SLC25A48: variants seen among roughly 807,000 people sequenced by gnomAD.
The protein encoded by SLC25A48 is CTC-321K16.1.
SLC25A48 carries 29 observed loss-of-function variants against 32.2 expected under a neutral mutation model. That is an observed-to-expected ratio of 0.90 (90% confidence interval 0.67 to 1.23). The LOEUF is 1.23. Ranked by LOEUF, SLC25A48 falls within the 50% of genes most tolerant of loss-of-function variation. The pLI is 0.00. For synonymous variants in SLC25A48, 164 were observed against 172.3 expected, an observed-to-expected ratio of 0.95 and a Z score of 0.38; for missense variants, 399 against 422.7, an observed-to-expected ratio of 0.94 and a Z score of 0.49.
chr5:135,739,611 A>G (rs1755454507), intron 3 of SLC25A48, among the ~76,000 whole-genome samples: 1 of 152,238 alleles, frequency 6.6e-6, no homozygotes, highest in Admixed American at 6.5e-5. Context: ...GAAAAGGGTC[A>G]GGGTGTGTCC....
At chr5:135,616,059 G>T (rs4593260) in intron 1 of SLC25A48, among the ~76,000 whole-genome samples, 1,955 of 152,348 alleles carry the variant, frequency 0.013, 44 homozygotes, top group African/African-American at 0.045. Context: ...AGACTTGGGA[G>T]CCTCTGCCTA....
intron 3 of SLC25A48, among the ~76,000 whole-genome samples, chr5:135,708,095 C>T (rs768629568): frequency 6.6e-6 from 1 of 152,182 alleles, no homozygotes; most frequent in Non-Finnish European, 1.5e-5. Context: ...CATGCACCCG[C>T]CAGCCTTCCA....
chr5:135,591,369 A>C (rs1751523260), intron 1 of SLC25A48, among the ~76,000 whole-genome samples: 1 of 152,222 alleles, frequency 6.6e-6, no homozygotes, highest in African/African-American at 2.4e-5. Flanking sequence ...TGCCTGGTGC[A>C]TCACTTGGAT....
chr5:135,872,609 T>C (rs560437200), intron 5 of SLC25A48: 16 of 152,320 alleles, frequency 1.1e-4, no homozygotes, highest in African/African-American at 3.9e-4. Context: ...TATACACAAC[T>C]CTTCTGAGGG....
At chr5:135,805,082 C>A (rs1467238332) in intron 3 of SLC25A48, among the ~76,000 whole-genome samples, 1 of 150,926 alleles carries the variant, frequency 6.6e-6, no homozygotes, top group Non-Finnish European at 1.5e-5. Context: ...TGGTGTACAG[C>A]CTGTGAAATA....
intron 3 of SLC25A48, among the ~76,000 whole-genome samples, chr5:135,851,809 T>C (rs1193281569): frequency 6.6e-6 from 1 of 152,158 alleles, no homozygotes; most frequent in African/African-American, 2.4e-5. Flanking sequence ...TCAGCACATC[T>C]GTGGTGTTCA....
At chr5:135,771,034 C>T (rs1480271188) in intron 3 of SLC25A48, among the ~76,000 whole-genome samples, 1 of 151,708 alleles carries the variant, frequency 6.6e-6, no homozygotes, top group Non-Finnish European at 1.5e-5. Context: ...GAGTAAATAC[C>T]CCCTGCGATA....
intron 3 of SLC25A48, among the ~76,000 whole-genome samples, chr5:135,707,223 T>C (rs1043323708): frequency 1.3e-5 from 2 of 152,170 alleles, no homozygotes; most frequent in African/African-American, 4.8e-5. Context: ...GCCTGTGGAC[T>C]ACTGAAGGAG....
intron 3 of SLC25A48, among the ~76,000 whole-genome samples, chr5:135,749,589 T>G (rs549486918): frequency 3.8e-4 from 57 of 151,914 alleles, no homozygotes; most frequent in South Asian, 3.5e-3. Context: ...TATTTTTTTT[T>G]GGGGTGGGGT....
intron 1 of SLC25A48, among the ~76,000 whole-genome samples, chr5:135,625,508 C>G (rs1046312875): frequency 1.3e-5 from 2 of 152,172 alleles, no homozygotes; most frequent in African/African-American, 4.8e-5. Flanking sequence ...CCCACAGACT[C>G]TGTGGGACAT....
At chr5:135,615,258 G>A (rs979516221) in intron 1 of SLC25A48, among the ~76,000 whole-genome samples, 9 of 152,182 alleles carry the variant, frequency 5.9e-5, no homozygotes, top group African/African-American at 2.2e-4. Context: ...GGGAAAGTTT[G>A]GAACCTCCCA....
chr5:135,632,029 T>C (rs112618473), intron 2 of SLC25A48, among the ~76,000 whole-genome samples: 3,561 of 152,324 alleles, frequency 0.023, 147 homozygotes, highest in African/African-American at 0.081. Flanking sequence ...ATGTGGTTCT[T>C]GGCCTCCTGA....
chr5:135,887,131 A>G (rs777812932), intron 7 of SLC25A48, among the ~76,000 whole-genome samples: 20 of 152,230 alleles, frequency 1.3e-4, no homozygotes, highest in Non-Finnish European at 1.6e-4. Flanking sequence ...AGGTATAATA[A>G]TAAACCCATG....
intron 3 of SLC25A48, among the ~76,000 whole-genome samples, chr5:135,699,112 C>G (rs6872080): frequency 6.6e-6 from 1 of 152,144 alleles, no homozygotes; most frequent in Non-Finnish European, 1.5e-5. Context: ...GATAAAACCG[C>G]TTTGGAAAAC....
chr5:135,767,855 C>T (rs761790032), intron 3 of SLC25A48, among the ~76,000 whole-genome samples: 1 of 151,196 alleles, frequency 6.6e-6, no homozygotes, highest in Non-Finnish European at 1.5e-5. Context: ...AGTTTGTACA[C>T]CCCCTTGTGA....
intron 3 of SLC25A48, among the ~76,000 whole-genome samples, chr5:135,779,528 C>A (rs905427653): frequency 1.7e-5 from 1 of 58,260 alleles, no homozygotes; most frequent in Non-Finnish European, 6.5e-5. Flanking sequence ...GTACATGCCC[C>A]CCTGTGATAT....
In SLC25A48 at chr5:135,852,796, G is replaced by C. The variant is rs1393508941; in HGVS notation, c.396G>C (p.Gln132His). 6.2e-7 allele frequency: 1 copy of C among 1,611,878 alleles called. No individual in the cohort carries two copies. The highest frequency in any genetic ancestry group is 8.5e-7 in the Non-Finnish European group (1 of 1,178,262). Residue 132 changes from glutamine (Q) to histidine (H), a missense_variant, in exon 4 of 8, where the codon CAG becomes CAC. Transcript: ENST00000681962. Reference sequence around the variant, plus strand: ...TGGACCTCATCAAGATCCGGTTGCAGATGCAGACACAACCGTTTCGGGACG... The same window carrying C: ...TGGACCTCATCAAGATCCGGTTGCACATGCAGACACAACCGTTTCGGGACG... ...GPVDLIKIRL[Q>H]MQTQPFRDAN...
intron 1 of SLC25A48, among the ~76,000 whole-genome samples, chr5:135,594,000 A>G (rs17168703): frequency 0.17 from 26,024 of 152,200 alleles, 2,408 homozygotes; most frequent in East Asian, 0.31. Context: ...CTGGCACAGT[A>G]TCTGATACAC....
chr5:135,639,358 C>G (rs980467580), intron 3 of SLC25A48, among the ~76,000 whole-genome samples: 1 of 152,182 alleles, frequency 6.6e-6, no homozygotes, highest in Non-Finnish European at 1.5e-5. Context: ...CACCCATCAC[C>G]AGCTTTTTTG....
Sources: allele counts gnomAD v4.1 joint callset (sites outside exome capture counted in the v4.1 genomes callset), GRCh38; gene constraint gnomAD v4.1.1; transcripts MANE v1.5; gene names NCBI Gene and HGNC (gene_info 2026-07-23, HGNC 2026-07-21).